The following LSAMP variants were observed in gnomAD, a reference collection of about 807,000 sequenced individuals.
The protein encoded by LSAMP is limbic system associated membrane protein.
A neutral mutation model predicts 38.6 loss-of-function variants in LSAMP; 7 were observed. That is an observed-to-expected ratio of 0.18 (90% CI 0.10 to 0.34). The LOEUF (loss-of-function observed/expected upper bound fraction) is 0.34, where lower values mean the gene tolerates loss of function less well. Among genes scored for constraint, LSAMP ranks in the 10% least tolerant of loss-of-function variants. The probability of loss-of-function intolerance (pLI) is 1.00; values close to 1 mark genes in which losing one functional copy is unlikely to be tolerated. For missense variants in LSAMP, 313 were observed against 420.0 expected (o/e 0.75, Z 2.23); for synonymous variants, 154 against 166.8 (o/e 0.92, Z 0.59).
At chr3:116,240,126 C>T (rs896493576) in intron 1 of LSAMP, among the ~76,000 whole-genome samples, 5 of 152,236 alleles carry the variant, frequency 3.3e-5, no homozygotes, top group Admixed American at 2.0e-4. Flanking sequence ...TAAGAAAGTA[C>T]GGTTCTAAGA....
chr3:115,957,635 T>C (rs1386063878), intron 3 of LSAMP, among the ~76,000 whole-genome samples: 1 of 152,192 alleles, frequency 6.6e-6, no homozygotes, highest in African/African-American at 2.4e-5. Context: ...AATTTGTATC[T>C]TCCACATCAG....
chr3:115,828,328 T>C (rs1934492821), intron 6 of LSAMP, among the ~76,000 whole-genome samples: 1 of 152,162 alleles, frequency 6.6e-6, no homozygotes, highest in African/African-American at 2.4e-5. Flanking sequence ...GGAGAGTTTT[T>C]TTTGCTGTTG....
chr3:116,014,021 G>A (rs891406800), intron 3 of LSAMP, among the ~76,000 whole-genome samples: 4 of 152,248 alleles, frequency 2.6e-5, no homozygotes, highest in Middle Eastern at 3.4e-3. Flanking sequence ...CTCATTGAAT[G>A]CCATAATTTT....
intron 2 of LSAMP, among the ~76,000 whole-genome samples, chr3:116,081,812 A>G (rs1707878979): frequency 2.0e-5 from 3 of 152,310 alleles, no homozygotes; most frequent in African/African-American, 7.2e-5. Flanking sequence ...TTAAATCTTT[A>G]TTTAGAAATA....
intron 2 of LSAMP, among the ~76,000 whole-genome samples, chr3:116,059,375 A>C (rs1941550383): frequency 6.6e-6 from 1 of 152,198 alleles, no homozygotes; most frequent in Non-Finnish European, 1.5e-5. Context: ...GTGTTCCTTT[A>C]GCTCTGCTTC....
chr3:115,927,873 C>T (rs969386638), intron 3 of LSAMP, among the ~76,000 whole-genome samples: 1 of 152,198 alleles, frequency 6.6e-6, no homozygotes. Flanking sequence ...AACCTTGCTC[C>T]AGCCACATAC....
chr3:116,003,019 G>A (rs371465559), intron 3 of LSAMP, among the ~76,000 whole-genome samples: 26 of 152,090 alleles, frequency 1.7e-4, no homozygotes, highest in East Asian at 9.6e-4. Flanking sequence ...TTTTACTTCA[G>A]AAATTTTAAT....
chr3:115,906,637 T>C (rs1400655808), intron 3 of LSAMP, among the ~76,000 whole-genome samples: 1 of 152,168 alleles, frequency 6.6e-6, no homozygotes, highest in Non-Finnish European at 1.5e-5. Flanking sequence ...CCTTAATTTG[T>C]TCATCTGTAA....
intron 1 of LSAMP, among the ~76,000 whole-genome samples, chr3:116,413,847 A>G (rs887371418): frequency 2.6e-5 from 4 of 151,920 alleles, no homozygotes; most frequent in Admixed American, 1.3e-4. Context: ...TCTGGTAAGG[A>G]CAAGAAAGGA....
intron 2 of LSAMP, among the ~76,000 whole-genome samples, chr3:116,032,747 G>A (rs1347301809): frequency 6.6e-6 from 1 of 152,046 alleles, no homozygotes; most frequent in African/African-American, 2.4e-5. Flanking sequence ...AGGCTGCAGT[G>A]AGCTATGATC....
Position 115,830,345 on chromosome 3 carries a change from CAAATT to C in LSAMP, c.919+11495_919+11499del, listed in dbSNP as rs1217414617. On this transcript the variant is annotated intron_variant, in intron 6 of 6. Coordinates refer to ENST00000490035, the MANE Select transcript of LSAMP (RefSeq NM_002338.5). The stretch of plus-strand genomic sequence containing the variant: ...GTTATAAGCATTGCAATACATAAAA[CAAATT>C]AGATGAACATTTAAAATCCATTGAA... 2.0e-5 allele frequency among the ~76,000 whole-genome samples: 3 copies of C among 152,246 alleles called. No homozygotes were observed. The East Asian group carries it at 5.8e-4, about 29-fold the overall frequency.
At chr3:116,377,974 C>T (rs542749816) in intron 1 of LSAMP, among the ~76,000 whole-genome samples, 99 of 152,188 alleles carry the variant, frequency 6.5e-4, no homozygotes, top group African/African-American at 2.2e-3. Context: ...ATCAGCATGG[C>T]TCTTCCACCT....
chr3:116,031,115 A>G (rs1409279216), intron 2 of LSAMP, among the ~76,000 whole-genome samples: 1 of 152,186 alleles, frequency 6.6e-6, no homozygotes, highest in Non-Finnish European at 1.5e-5. Context: ...ATAAGTCATT[A>G]TATCAAAAGC....
At chr3:115,978,626 A>G (rs1939261022) in intron 3 of LSAMP, among the ~76,000 whole-genome samples, 1 of 152,058 alleles carries the variant, frequency 6.6e-6, no homozygotes, top group Non-Finnish European at 1.5e-5. Flanking sequence ...TCCTACAGTG[A>G]TTACCTCCAA....
chr3:116,422,136 T>G (rs1268344483), intron 1 of LSAMP, among the ~76,000 whole-genome samples: 1 of 152,230 alleles, frequency 6.6e-6, no homozygotes, highest in African/African-American at 2.4e-5. Context: ...ACAATATGCA[T>G]GAATCTCAAA....
intron 1 of LSAMP, among the ~76,000 whole-genome samples, chr3:116,102,633 G>A (rs1708372710): frequency 6.6e-6 from 1 of 152,178 alleles, no homozygotes; most frequent in Non-Finnish European, 1.5e-5. Context: ...TAGGACATTA[G>A]TTTTCTCCTG....
intron 1 of LSAMP, among the ~76,000 whole-genome samples, chr3:116,087,399 G>A (rs1034161189): frequency 6.6e-6 from 1 of 152,190 alleles, no homozygotes; most frequent in Non-Finnish European, 1.5e-5. Context: ...ATTAGTGAAG[G>A]AGGGGTAAAT....
At chr3:116,088,651 T>C (rs926282123) in intron 1 of LSAMP, among the ~76,000 whole-genome samples, 11 of 152,218 alleles carry the variant, frequency 7.2e-5, no homozygotes, top group African/African-American at 2.7e-4. Flanking sequence ...TTCTATCATT[T>C]TTCCCTGTGC....
intron 3 of LSAMP, among the ~76,000 whole-genome samples, chr3:115,920,724 T>C (rs1187015300): frequency 6.6e-6 from 1 of 152,150 alleles, no homozygotes; most frequent in Non-Finnish European, 1.5e-5. Context: ...CAATAGTGTC[T>C]TTCAAATCCT....
Sources: allele counts gnomAD v4.1 joint callset (sites outside exome capture counted in the v4.1 genomes callset), GRCh38; gene constraint gnomAD v4.1.1; transcripts MANE v1.5; gene names NCBI Gene and HGNC (gene_info 2026-07-23, HGNC 2026-07-21).